The following GRIN2A variants were observed in gnomAD, a reference collection of about 807,000 sequenced individuals.
The protein encoded by GRIN2A is glutamate receptor ionotropic, NMDA 2A.
Under a neutral mutation model 113.4 loss-of-function variants are expected in GRIN2A, and 22 were observed. The ratio of observed to expected loss-of-function variants is 0.19; its 90% CI spans 0.14 to 0.28. The LOEUF (loss-of-function observed/expected upper bound fraction) is 0.28. Among genes scored for constraint, GRIN2A ranks in the 10% least tolerant of loss-of-function variants. The pLI, the probability that GRIN2A is intolerant of heterozygous loss-of-function variation, is 1.00. For synonymous variants in GRIN2A, 827 were observed against 738.4 expected (o/e 1.12, Z -1.94); for missense variants, 1,502 against 1,887.0 (o/e 0.80, Z 3.78).
intron 2 of GRIN2A, among the ~76,000 whole-genome samples, chr16:10,150,673 C>T (rs1026135199): frequency 2.6e-5 from 4 of 151,962 alleles, no homozygotes; most frequent in African/African-American, 9.7e-5. Context: ...GCCTATACTC[C>T]ACACGGCTCA....
intron 2 of GRIN2A, among the ~76,000 whole-genome samples, chr16:9,948,295 G>A (rs548685151): frequency 6.6e-6 from 1 of 152,340 alleles, no homozygotes; most frequent in African/African-American, 2.4e-5. Flanking sequence ...GAGAGAGGCA[G>A]TTCTCAAACT....
At chr16:9,982,583 T>C (rs2045911646) in intron 2 of GRIN2A, among the ~76,000 whole-genome samples, 1 of 152,250 alleles carries the variant, frequency 6.6e-6, no homozygotes, top group Non-Finnish European at 1.5e-5. Flanking sequence ...ATTGGTTCCC[T>C]AGCATCCTCC....
intron 5 of GRIN2A, among the ~76,000 whole-genome samples, chr16:9,842,951 AAGAGAG>A (rs57545330): frequency 1.3e-4 from 19 of 145,234 alleles, no homozygotes; most frequent in African/African-American, 4.2e-4. Context: ...GAAAGAAAGA[AAGAGAG>A]AGAGAGAGAG....
At chr16:9,837,525 T>C (rs984388683) in intron 7 of GRIN2A, among the ~76,000 whole-genome samples, 1 of 152,150 alleles carries the variant, frequency 6.6e-6, no homozygotes, top group East Asian at 1.9e-4. Flanking sequence ...GAAAAAGAGT[T>C]CTCTCTAGCT....
At chr16:9,875,640 C>G (rs2043349640) in intron 4 of GRIN2A, among the ~76,000 whole-genome samples, 1 of 152,194 alleles carries the variant, frequency 6.6e-6, no homozygotes, top group Non-Finnish European at 1.5e-5. Context: ...GCCCAGACAG[C>G]AGCCACTGAG....
At chr16:9,784,982 C>G (rs561334422) in intron 11 of GRIN2A, among the ~76,000 whole-genome samples, 2 of 152,206 alleles carry the variant, frequency 1.3e-5, no homozygotes, top group African/African-American at 4.8e-5. Flanking sequence ...AACACTTACA[C>G]TGTTGGTGGG....
chr16:9,758,539 T>A lies in GRIN2A; in HGVS notation c.*4610A>T, dbSNP rs945134877. 9.9e-5 allele frequency: 21 copies of A among 211,546 alleles called. No homozygotes were observed. The highest frequency in any genetic ancestry group is 3.9e-4 in the African/African-American group (17 of 44,126). 13.1% of individuals were successfully genotyped at this position (211,546 alleles called of 1,614,324 possible). Reference sequence around the variant, plus strand: ...ATGTGTTAATACCATCATCACCATTTAATTTTTAACATAAACTTTACAATA... The same window carrying A: ...ATGTGTTAATACCATCATCACCATTAAATTTTTAACATAAACTTTACAATA... On this transcript the variant is annotated 3_prime_UTR_variant, in exon 13 of 13. Coordinates refer to ENST00000330684, the MANE Select transcript of GRIN2A (RefSeq NM_001134407.3).
At chr16:10,020,853 C>G (rs191036994) in intron 2 of GRIN2A, among the ~76,000 whole-genome samples, 86 of 152,256 alleles carry the variant, frequency 5.6e-4, no homozygotes, top group African/African-American at 1.9e-3. Context: ...GGGGTCCTAC[C>G]TGTACCAGCT....
intron 2 of GRIN2A, among the ~76,000 whole-genome samples, chr16:9,991,041 T>C (rs866614252): frequency 1.3e-5 from 2 of 151,996 alleles, no homozygotes; most frequent in Non-Finnish European, 2.9e-5. Context: ...CACTCCAGCC[T>C]GGGTGACAGG....
chr16:9,941,143 C>A (rs117363074), intron 2 of GRIN2A, among the ~76,000 whole-genome samples: 12 of 152,158 alleles, frequency 7.9e-5, no homozygotes, highest in Admixed American at 6.5e-4. Flanking sequence ...ACAAGACACA[C>A]GCTAAAGGCA....
chr16:9,930,017 G>A (rs2044552113), intron 3 of GRIN2A, among the ~76,000 whole-genome samples: 1 of 152,150 alleles, frequency 6.6e-6, no homozygotes, highest in South Asian at 2.1e-4. Context: ...TTGCATTGCA[G>A]GGCTGGCATA....
chr16:9,997,521 A>T (rs796993177), intron 2 of GRIN2A, among the ~76,000 whole-genome samples: 2 of 152,204 alleles, frequency 1.3e-5, no homozygotes, highest in Non-Finnish European at 2.9e-5. Context: ...AAACATTAAG[A>T]GACAAAGCTA....
chr16:10,025,532 G>T (rs2046804360), intron 2 of GRIN2A, among the ~76,000 whole-genome samples: 2 of 151,862 alleles, frequency 1.3e-5, no homozygotes, highest in Non-Finnish European at 2.9e-5. Context: ...GAACTCCTAG[G>T]CTTAAGTGAT....
At chr16:9,770,639 T>A (rs1412569767) in intron 11 of GRIN2A, among the ~76,000 whole-genome samples, 2 of 152,176 alleles carry the variant, frequency 1.3e-5, no homozygotes, top group African/African-American at 2.4e-5. Context: ...GAAGTCTAGA[T>A]GTGGGTTTGT....
chr16:10,035,140 C>T (rs572452355), intron 2 of GRIN2A, among the ~76,000 whole-genome samples: 3 of 152,250 alleles, frequency 2.0e-5, no homozygotes, highest in African/African-American at 7.2e-5. Context: ...AACCTCCTGC[C>T]TCAACCTCTT....
chr16:10,077,766 C>A (rs748404595), intron 2 of GRIN2A, among the ~76,000 whole-genome samples: 1 of 152,212 alleles, frequency 6.6e-6, no homozygotes, highest in African/African-American at 2.4e-5. Context: ...AGGGCCTTTG[C>A]ATATGCTATT....
chr16:10,059,904 AT>A (rs1177352387), intron 2 of GRIN2A, among the ~76,000 whole-genome samples: 1 of 152,202 alleles, frequency 6.6e-6, no homozygotes, highest in Non-Finnish European at 1.5e-5. Context: ...AATTGGTTAC[AT>A]AGGAGCCACT....
At chr16:9,772,491 C>T (rs940166862) in intron 11 of GRIN2A, among the ~76,000 whole-genome samples, 3 of 152,196 alleles carry the variant, frequency 2.0e-5, no homozygotes, top group Admixed American at 6.5e-5. Flanking sequence ...CCCACCTCAG[C>T]CTCCGAAGTA....
At chr16:9,951,296 A>T (rs1251631377) in intron 2 of GRIN2A, among the ~76,000 whole-genome samples, 1 of 152,222 alleles carries the variant, frequency 6.6e-6, no homozygotes, top group Non-Finnish European at 1.5e-5. Flanking sequence ...AAGCTAACAC[A>T]ATACAGAGCA....
Sources: gnomAD v4.1 joint callset for allele counts (sites outside exome capture counted in the v4.1 genomes callset) on GRCh38, gnomAD v4.1.1 for gene constraint, MANE v1.5 for transcripts, NCBI Gene and HGNC (gene_info 2026-07-23, HGNC 2026-07-21) for gene names.